Variants in HMCN1 observed in about 807,000 individuals in gnomAD.
The protein encoded by HMCN1 is hemicentin 1, also known as hemicentin-1.
In HMCN1, 321 loss-of-function variants were observed where a neutral mutation model predicts 625.9. That is an observed-to-expected ratio of 0.51 (90% confidence interval 0.47 to 0.56). HMCN1 has a LOEUF of 0.56. Ranked by LOEUF, HMCN1 falls within the 20% of genes least tolerant of loss-of-function variation. The pLI is 0.00. For synonymous variants in HMCN1, 2,425 were observed against 2,417.6 expected, an observed-to-expected ratio of 1.00 and a Z score of -0.09; for missense variants, 6,588 against 6,887.3, an observed-to-expected ratio of 0.96 and a Z score of 1.54.
chr1:185,997,810 CTT>C (rs71691991), intron 25 of HMCN1, among the ~76,000 whole-genome samples: 5 of 142,244 alleles, frequency 3.5e-5, no homozygotes, highest in African/African-American at 7.6e-5. Context: ...TTATTTCATT[CTT>C]TTTTTTTTTT....
chr1:186,127,736 C>T (rs934786873), intron 82 of HMCN1, among the ~76,000 whole-genome samples: 1 of 152,094 alleles, frequency 6.6e-6, no homozygotes, highest in Non-Finnish European at 1.5e-5. Flanking sequence ...GCCAATTATG[C>T]TGTCAAGATG....
chr1:186,174,444 C>T, intron 102 of HMCN1, 70 bp from the exon 103 acceptor site: 1 of 1,575,510 alleles, frequency 6.3e-7, no homozygotes, highest in Non-Finnish European at 8.7e-7. Flanking sequence ...CTACAGAATG[C>T]TGACTTTAAA....
chr1:186,099,012 G>A (rs1245490983), intron 68 of HMCN1, among the ~76,000 whole-genome samples: 2 of 152,070 alleles, frequency 1.3e-5, no homozygotes, highest in Admixed American at 6.6e-5. Context: ...GGTTACCAAA[G>A]ACAAGGGAGA....
At chr1:185,775,075 C>T (rs925383321) in intron 1 of HMCN1, among the ~76,000 whole-genome samples, 1 of 152,070 alleles carries the variant, frequency 6.6e-6, no homozygotes, top group Non-Finnish European at 1.5e-5. Context: ...ATCTGACATT[C>T]GGAGATGCTA....
At chr1:185,735,651 A>G (rs1653509498) in intron 1 of HMCN1, among the ~76,000 whole-genome samples, 1 of 152,250 alleles carries the variant, frequency 6.6e-6, no homozygotes, top group South Asian at 2.1e-4. Flanking sequence ...CATTACATCC[A>G]TGTCTCCTGC....
chr1:185,838,507 C>T (rs1407087421), intron 1 of HMCN1, among the ~76,000 whole-genome samples: 1 of 152,078 alleles, frequency 6.6e-6, no homozygotes, highest in Non-Finnish European at 1.5e-5. Context: ...CCTGTAGGAG[C>T]AGAGATGGGG....
At chr1:185,916,039 T>C (rs186964787) in intron 6 of HMCN1, among the ~76,000 whole-genome samples, 12 of 151,366 alleles carry the variant, frequency 7.9e-5, no homozygotes, top group African/African-American at 2.7e-4. Context: ...CATTTTTATG[T>C]ATATGTGTGT....
intron 25 of HMCN1, 69 bp from the exon 26 acceptor site, chr1:185,999,976 G>C: frequency 1.9e-6 from 2 of 1,079,426 alleles, no homozygotes; most frequent in Non-Finnish European, 2.8e-6. Context: ...ATTTCTCTTT[G>C]ATATATTTGA....
rs146070430 is a variant in HMCN1 at position 185,742,687 on chromosome 1, G to A, written c.268+7640G>A. Among the ~76,000 whole-genome samples, 1,422 of 152,198 alleles carry A rather than the reference G, an allele frequency of 9.3e-3. 19 individuals carry two copies. Among genetic ancestry groups the A allele is most frequent in the South Asian group, 0.044 (213 of 4,816 alleles). ...AGGATTTTCATAAGCAAAATGATTG[G>A]TCTCTTATGTCCAAGAGAAATTCAG... On this transcript the variant is annotated intron_variant, in intron 1 of 106. Transcript: ENST00000271588.
At chr1:185,984,613 A>G (rs1651887665) in intron 19 of HMCN1, among the ~76,000 whole-genome samples, 1 of 152,188 alleles carries the variant, frequency 6.6e-6, no homozygotes, top group Non-Finnish European at 1.5e-5. Flanking sequence ...ATACATTTTA[A>G]TTTCAGACAA....
chr1:185,977,833 TG>T lies in HMCN1; in HGVS notation c.2420del (p.Gly807AlafsTer4). On this transcript the variant is annotated frameshift_variant, in exon 16 of 107. Coordinates refer to ENST00000271588, the MANE Select transcript of HMCN1 (RefSeq NM_031935.3). LOFTEE classifies it high-confidence loss of function. Reference sequence around the variant, plus strand: ...AACCTGCTGATGTGTCTATGGAAATTGGCTCAAATGTGACATTACCTTGTTA... The same window carrying T: ...AACCTGCTGATGTGTCTATGGAAATTGCTCAAATGTGACATTACCTTGTTA... ...QEPADVSMEI[G>X]SNVTLPCYVQ... 6.2e-7 allele frequency: 1 copy of T among 1,613,338 alleles called. No homozygotes were observed. The highest frequency in any genetic ancestry group is 8.5e-7 in the Non-Finnish European group (1 of 1,179,486).
Position 185,734,522 on chromosome 1 carries a change from G to C in HMCN1, c.-258G>C. On this transcript the variant is annotated 5_prime_UTR_variant, in exon 1 of 107. Coordinates refer to ENST00000271588, the MANE Select transcript of HMCN1 (RefSeq NM_031935.3). ...CCCGCACTCCGCCACAGGCTGTCCA[G>C]GGCCCGCGGGCAGATAGCAGTCCAG... The C allele has an allele frequency of 2.0e-6, 1 of 488,648 alleles. No individual in the cohort carries two copies. Among genetic ancestry groups the C allele is most frequent in the East Asian group, 3.6e-5 (1 of 28,158 alleles). The allele number at this position is 488,648 out of a possible 1,614,324, so 30.3% of individuals were successfully genotyped here.
chr1:186,123,216 C>G lies in HMCN1; in HGVS notation c.12495C>G (p.Val4165=). 1 of 1,613,370 alleles carries G rather than the reference C, an allele frequency of 6.2e-7. No individual in the cohort carries two copies. Among genetic ancestry groups the G allele is most frequent in the Non-Finnish European group, 8.5e-7 (1 of 1,179,684 alleles). ...GSSSTSTKLT[V]HVPPRIRSTE... The stretch of plus-strand genomic sequence containing the variant: ...GCAGCACAAGCACCAAGCTCACCGT[C>G]CATGGTAGGTTGTTTAACATGAATT... The change falls in exon 81 of 107, where the codon GTC becomes GTG. Residue 4165 remains valine, a synonymous_variant. Transcript: ENST00000271588.
At chr1:185,784,408 G>A (rs956498143) in intron 1 of HMCN1, among the ~76,000 whole-genome samples, 1 of 152,164 alleles carries the variant, frequency 6.6e-6, no homozygotes, top group Non-Finnish European at 1.5e-5. Context: ...GGTACCTCCA[G>A]TTGGAAATGC....
At chr1:185,966,783 A>G (rs912564667) in intron 14 of HMCN1, among the ~76,000 whole-genome samples, 8 of 152,194 alleles carry the variant, frequency 5.3e-5, no homozygotes, top group African/African-American at 9.6e-5. Context: ...GGTTGATGTC[A>G]TAATCACAAA....
Position 185,983,365 on chromosome 1 carries a change from G to A in HMCN1, c.2791-804G>A, listed in dbSNP as rs368036412. Among the ~76,000 whole-genome samples, 8 of 152,218 alleles carry A rather than the reference G, an allele frequency of 5.3e-5. No individual in the cohort carries two copies. In the East Asian group the frequency reaches 7.7e-4, roughly 15 times the overall value. On this transcript the variant is annotated intron_variant, in intron 18 of 106. Transcript: ENST00000271588. ...ATGCTGAACCCAGGAGGCGGAGGTT[G>A]CAGTGAGCCGAGATCGTGCCACTGC...
At chr1:185,743,873 GAATA>G (rs1345505074) in intron 1 of HMCN1, among the ~76,000 whole-genome samples, 9 of 151,538 alleles carry the variant, frequency 5.9e-5, no homozygotes, top group Admixed American at 2.6e-4. Flanking sequence ...TATAAACATT[GAATA>G]GATAGTGGAA....
intron 4 of HMCN1, among the ~76,000 whole-genome samples, chr1:185,897,835 T>C (rs16824688): frequency 0.063 from 9,649 of 152,196 alleles, 1,070 homozygotes; most frequent in African/African-American, 0.22. Context: ...GGTCCCCTCT[T>C]GTGATATTTA....
intron 97 of HMCN1, among the ~76,000 whole-genome samples, chr1:186,157,100 A>G (rs551029969): frequency 2.0e-5 from 3 of 152,336 alleles, no homozygotes; most frequent in East Asian, 3.9e-4. Context: ...AATGATTTTT[A>G]TAATTAGTCA....
Sources: allele counts gnomAD v4.1 joint callset (sites outside exome capture counted in the v4.1 genomes callset), GRCh38; gene constraint gnomAD v4.1.1; transcripts MANE v1.5; gene names NCBI Gene and HGNC (gene_info 2026-07-23, HGNC 2026-07-21).